CEP89: variants seen among roughly 807,000 people sequenced by gnomAD.
The protein encoded by CEP89 is centrosomal protein 89.
In CEP89, 95 loss-of-function variants were observed where a neutral mutation model predicts 97.6. The observed-to-expected ratio is 0.97, with a 90% CI of 0.82 to 1.15. The LOEUF (loss-of-function observed/expected upper bound fraction) is 1.15. CEP89 is among the 50% of genes most tolerant of loss of function. The pLI is 0.00. For missense variants in CEP89, 869 were observed against 947.7 expected, an observed-to-expected ratio of 0.92 and a Z score of 1.09; for synonymous variants, 354 against 349.1, an observed-to-expected ratio of 1.01 and a Z score of -0.16.
chr19:32,970,928 G>A (rs1971390142), intron 1 of CEP89: 1 of 152,356 alleles, frequency 6.6e-6, no homozygotes, highest in Non-Finnish European at 1.5e-5. Context: ...GCCTGAGGCA[G>A]GAGGATCACT....
intron 12 of CEP89, 27 bp downstream of exon 12, chr19:32,923,412 A>T: frequency 8.5e-7 from 1 of 1,175,016 alleles, no homozygotes; most frequent in Non-Finnish European, 1.2e-6. Flanking sequence ...TAAATTAGCA[A>T]AAGAGCAGAA....
intron 2 of CEP89, chr19:32,963,941 AACACACACACAC>A (rs55691423): frequency 0.3 from 42,401 of 143,614 alleles, 6,305 homozygotes; most frequent in Admixed American, 0.42. Flanking sequence ...CATGCACATG[AACACACACACAC>A]ACACACACAC....
chr19:32,967,430 G>T (rs1971307353), intron 1 of CEP89, among the ~76,000 whole-genome samples: 1 of 151,262 alleles, frequency 6.6e-6, no homozygotes, highest in African/African-American at 2.4e-5. Flanking sequence ...GGTGAGAAGG[G>T]AGGAAAAACA....
At chr19:32,915,694 G>A (rs1367911228) in intron 13 of CEP89, among the ~76,000 whole-genome samples, 177 bp from the exon 14 acceptor site, 1 of 152,072 alleles carries the variant, frequency 6.6e-6, no homozygotes, top group African/African-American at 2.4e-5. Context: ...GCTGAGGCGG[G>A]TGGATCACGA....
intron 18 of CEP89, 49 bp downstream of exon 18, chr19:32,881,795 C>G: frequency 6.6e-7 from 1 of 1,523,648 alleles, no homozygotes; most frequent in East Asian, 2.4e-5. Context: ...AACCCTCAAT[C>G]AGACATTCAG....
intron 14 of CEP89, among the ~76,000 whole-genome samples, chr19:32,903,857 T>C (rs1969834087): frequency 1.3e-5 from 2 of 152,328 alleles, no homozygotes; most frequent in South Asian, 2.1e-4. Context: ...ATGAACTTCA[T>C]GTAGAGTAAA....
chr19:32,957,187 G>A (rs1971066680), intron 3 of CEP89, among the ~76,000 whole-genome samples: 1 of 152,114 alleles, frequency 6.6e-6, no homozygotes, highest in Admixed American at 6.6e-5. Context: ...GGGCACAATG[G>A]CTTTTTATTG....
At chr19:32,965,471 G>C (rs1971261659) in intron 2 of CEP89, among the ~76,000 whole-genome samples, 1 of 151,774 alleles carries the variant, frequency 6.6e-6, no homozygotes, top group Middle Eastern at 3.2e-3. Context: ...GGAGGCAGAG[G>C]CAGGTGGATT....
chr19:32,922,331 CAA>C (rs1970266835), intron 12 of CEP89, among the ~76,000 whole-genome samples: 1 of 151,974 alleles, frequency 6.6e-6, no homozygotes, highest in Non-Finnish European at 1.5e-5. Flanking sequence ...CACTGGAGCC[CAA>C]GAGTTCGAGA....
chr19:32,883,506 G>A (rs112604517), intron 17 of CEP89, among the ~76,000 whole-genome samples: 3 of 151,986 alleles, frequency 2.0e-5, no homozygotes, highest in African/African-American at 7.2e-5. Context: ...GTGAAACCCT[G>A]TCTCTATTAA....
At position 32,915,317 on chromosome 19, in the gene CEP89, A is replaced by G. The variant is rs763170000; in HGVS notation, c.1565+20T>C. ...CGAAAAAAGAAAAAAAAAAAAAAAGAAAAAACATTAAATCCTTACCTTTTT... is the reference window on the plus strand; with the variant it reads ...CGAAAAAAGAAAAAAAAAAAAAAAGGAAAAACATTAAATCCTTACCTTTTT... On this transcript the variant is annotated intron_variant, in intron 14 of 18. Coordinates refer to ENST00000305768, the MANE Select transcript of CEP89 (RefSeq NM_032816.5). The G allele has an allele frequency of 1.2e-5, 19 of 1,556,522 alleles. No individual in the cohort carries two copies. The African/African-American group carries it at 2.5e-4, about 21-fold the overall frequency.
At chr19:32,968,950 AGAG>A (rs1971341086) in intron 1 of CEP89, 2 of 152,240 alleles carry the variant, frequency 1.3e-5, no homozygotes, top group Non-Finnish European at 2.9e-5. Flanking sequence ...AGAAGAGCTC[AGAG>A]GAGTGGGTAG....
At chr19:32,948,534 G>C (rs1310976626) in intron 4 of CEP89, among the ~76,000 whole-genome samples, 166 bp from the exon 5 acceptor site, 1 of 152,170 alleles carries the variant, frequency 6.6e-6, no homozygotes, top group East Asian at 1.9e-4. Context: ...GCGTATATCA[G>C]GTGGGGCTGG....
At chr19:32,930,927 C>G (rs1162921031) in intron 9 of CEP89, among the ~76,000 whole-genome samples, 1 of 151,904 alleles carries the variant, frequency 6.6e-6, no homozygotes, top group Non-Finnish European at 1.5e-5. Context: ...GCTCTGTCAC[C>G]CAGGCTGGAG....
intron 17 of CEP89, among the ~76,000 whole-genome samples, chr19:32,884,493 T>C (rs545973363): frequency 6.6e-6 from 1 of 152,354 alleles, no homozygotes. Flanking sequence ...TTGTTTTATG[T>C]ACATATTTTT....
chr19:32,971,581 C>T, intron 1 of CEP89: 1 of 584,756 alleles, frequency 1.7e-6, no homozygotes, highest in Non-Finnish European at 3.0e-6. Flanking sequence ...CGCTTGAGCC[C>T]AGGAGTTCGA....
intron 12 of CEP89, among the ~76,000 whole-genome samples, chr19:32,920,863 A>T (rs1406481993): frequency 1.3e-5 from 2 of 152,042 alleles, no homozygotes; most frequent in African/African-American, 4.8e-5. Flanking sequence ...TAGGAAAAGA[A>T]ATATACAAAA....
intron 2 of CEP89, among the ~76,000 whole-genome samples, chr19:32,963,298 G>A (rs974574450): frequency 1.2e-4 from 18 of 152,168 alleles, no homozygotes; most frequent in Non-Finnish European, 2.6e-4. Flanking sequence ...GGAGGTTGAA[G>A]TGAGCTGAAA....
rs34358164 is a variant in CEP89, at chr19:32,971,658, TAA to T, written c.39+176_39+177del. On this transcript the variant is annotated intron_variant, in intron 1 of 18. Coordinates refer to ENST00000305768, the MANE Select transcript of CEP89 (RefSeq NM_032816.5). ...GGCGACAGAGCGAGACCCTGTTTCT[TAA>T]AAAAAAAAAAAAAAGTTTAGAACAC... 8.1e-3 allele frequency: 4,724 copies of T among 580,642 alleles called. 1 individual carries two copies. The highest frequency in any genetic ancestry group is 0.021 in the East Asian group (709 of 34,004). 36.0% of individuals were successfully genotyped at this position (580,642 alleles called of 1,614,324 possible).
Sources: gnomAD v4.1 joint callset for allele counts (sites outside exome capture counted in the v4.1 genomes callset) on GRCh38, gnomAD v4.1.1 for gene constraint, MANE v1.5 for transcripts, NCBI Gene and HGNC (gene_info 2026-07-23, HGNC 2026-07-21) for gene names.